PREP: variants seen among roughly 807,000 people sequenced by gnomAD.
The protein encoded by PREP is dJ355L5.1 (prolyl endopeptidase).
In PREP, 29 loss-of-function variants were observed where a neutral mutation model predicts 87.6. That is an observed-to-expected ratio of 0.33 (90% CI 0.25 to 0.45). PREP has a LOEUF of 0.45. PREP is among the 20% of genes least tolerant of loss of function. The probability of loss-of-function intolerance (pLI) is 1.00; values close to 1 mark genes in which losing one functional copy is unlikely to be tolerated. For synonymous variants in PREP, 337 were observed against 328.6 expected (o/e 1.03, Z -0.28); for missense variants, 695 against 886.5 (o/e 0.78, Z 2.74).
chr6:105,364,681 C>T (rs1028434249), intron 6 of PREP, among the ~76,000 whole-genome samples: 2 of 152,174 alleles, frequency 1.3e-5, no homozygotes, highest in African/African-American at 4.8e-5. Context: ...AATCCTCCGT[C>T]CAGTTTCAGA....
At chr6:105,367,411 A>C (rs1188100255) in intron 6 of PREP, among the ~76,000 whole-genome samples, 2 of 152,200 alleles carry the variant, frequency 1.3e-5, no homozygotes, top group African/African-American at 4.8e-5. Flanking sequence ...GGGAAAGAAA[A>C]GGCATGAAAA....
At chr6:105,285,869 G>A (rs1045707333) in intron 11 of PREP, among the ~76,000 whole-genome samples, 10 of 152,088 alleles carry the variant, frequency 6.6e-5, no homozygotes, top group East Asian at 5.8e-4. Flanking sequence ...TCCACCTTCC[G>A]GGCTCAAGTG....
chr6:105,346,961 G>A (rs2114676566), intron 7 of PREP, among the ~76,000 whole-genome samples: 1 of 152,254 alleles, frequency 6.6e-6, no homozygotes, highest in South Asian at 2.1e-4. Flanking sequence ...TTAGCTGGGT[G>A]TGGTGGCAGG....
At chr6:105,352,271 A>C (rs920132667) in intron 7 of PREP, among the ~76,000 whole-genome samples, 1 of 152,212 alleles carries the variant, frequency 6.6e-6, no homozygotes. Flanking sequence ...TGTGCAGCTG[A>C]AAAGTTTTTG....
At chr6:105,340,871 A>AT in intron 7 of PREP, among the ~76,000 whole-genome samples, 1 of 152,208 alleles carries the variant, frequency 6.6e-6, no homozygotes, top group Non-Finnish European at 1.5e-5. Flanking sequence ...CCAATACAGG[A>AT]GCACCCAGAT....
At chr6:105,381,922 G>A (rs1050832877) in intron 2 of PREP, among the ~76,000 whole-genome samples, 1 of 152,180 alleles carries the variant, frequency 6.6e-6, no homozygotes, top group Admixed American at 6.5e-5. Flanking sequence ...AAGCTATTTG[G>A]AAAGGGGTGG....
chr6:105,344,926 C>T (rs1009984371), intron 7 of PREP, among the ~76,000 whole-genome samples: 1 of 152,194 alleles, frequency 6.6e-6, no homozygotes, highest in Non-Finnish European at 1.5e-5. Context: ...AAGCATTAAC[C>T]TTAGCCATAA....
intron 7 of PREP, among the ~76,000 whole-genome samples, chr6:105,334,148 C>T (rs1214792144): frequency 2.0e-5 from 3 of 152,258 alleles, no homozygotes; most frequent in Non-Finnish European, 4.4e-5. Flanking sequence ...GCAGCCACCA[C>T]AGTATCTCAA....
At chr6:105,367,290 T>C (rs1438519160) in intron 6 of PREP, among the ~76,000 whole-genome samples, 6 of 152,068 alleles carry the variant, frequency 3.9e-5, no homozygotes, top group South Asian at 2.1e-4. Context: ...GATAGAAAAC[T>C]TGGCAGAAAC....
intron 12 of PREP, among the ~76,000 whole-genome samples, chr6:105,284,108 T>C (rs768493444): frequency 6.6e-6 from 1 of 152,208 alleles, no homozygotes; most frequent in Non-Finnish European, 1.5e-5. Context: ...CTCTTATCAC[T>C]CATCTTTTAA....
At chr6:105,285,812 G>A (rs1426629919) in intron 11 of PREP, among the ~76,000 whole-genome samples, 1 of 152,190 alleles carries the variant, frequency 6.6e-6, no homozygotes. Flanking sequence ...GTCTCACTCT[G>A]TCACCCAGGC....
intron 9 of PREP, among the ~76,000 whole-genome samples, chr6:105,327,615 CT>C (rs1190798855): frequency 1.3e-5 from 2 of 152,242 alleles, no homozygotes; most frequent in South Asian, 4.1e-4. Context: ...TCACTGTCAA[CT>C]GGCCAAATCC....
At chr6:105,315,057 AGT>A (rs1491381674) in intron 10 of PREP, among the ~76,000 whole-genome samples, 1 of 152,250 alleles carries the variant, frequency 6.6e-6, no homozygotes, top group Non-Finnish European at 1.5e-5. Context: ...AGGTCTCAAC[AGT>A]GTGCTTAACA....
In PREP at chr6:105,288,947, C is replaced by T. The variant is rs530260666; in HGVS notation, c.1318-53G>A. The T allele has an allele frequency of 1.1e-4, 163 of 1,548,230 alleles. No individual in the cohort carries two copies. The African/African-American group carries it at 1.3e-3, about 13-fold the overall frequency. On this transcript the variant is annotated intron_variant, in intron 10 of 14. Transcript: ENST00000652536. ...ATTTAGCATTACTTAGTAGATACTG[C>T]GTGCTTTTAAATGGGAAAAATAGTA...
intron 7 of PREP, among the ~76,000 whole-genome samples, chr6:105,339,575 A>G (rs533108961): frequency 3.3e-5 from 5 of 152,194 alleles, no homozygotes; most frequent in Non-Finnish European, 5.9e-5. Flanking sequence ...ATGATCGGTA[A>G]TAACAAAATT....
intron 10 of PREP, among the ~76,000 whole-genome samples, chr6:105,309,575 T>TTTTTTTC (rs1360519420): frequency 6.6e-6 from 1 of 151,882 alleles, no homozygotes; most frequent in Non-Finnish European, 1.5e-5. Flanking sequence ...GAAAACTACC[T>TTTTTTTC]TTTTTTCTTT....
intron 1 of PREP, among the ~76,000 whole-genome samples, chr6:105,399,876 CT>C (rs1197522345): frequency 2.0e-5 from 3 of 152,154 alleles, no homozygotes; most frequent in Non-Finnish European, 4.4e-5. Context: ...TCAGCCCACC[CT>C]TTTCCCCAAA....
At chr6:105,386,154 C>A (rs1214337300) in intron 2 of PREP, among the ~76,000 whole-genome samples, 1 of 152,124 alleles carries the variant, frequency 6.6e-6, no homozygotes. Context: ...TGACCAATGT[C>A]TAATAAAATT....
chr6:105,309,575 T>C (rs754806739), intron 10 of PREP, among the ~76,000 whole-genome samples: 2 of 151,882 alleles, frequency 1.3e-5, no homozygotes, highest in African/African-American at 4.8e-5. Context: ...GAAAACTACC[T>C]TTTTTTCTTT....
Sources: gnomAD v4.1 joint callset for allele counts (sites outside exome capture counted in the v4.1 genomes callset) on GRCh38, gnomAD v4.1.1 for gene constraint, MANE v1.5 for transcripts, NCBI Gene and HGNC (gene_info 2026-07-23, HGNC 2026-07-21) for gene names.